Variants in ITGB2 observed in about 807,000 individuals in gnomAD.
The protein encoded by ITGB2 is integrin beta-2.
In ITGB2, 56 loss-of-function variants were observed where a neutral mutation model predicts 86.8. That is an observed-to-expected ratio of 0.65 (90% CI 0.52 to 0.81). The LOEUF (loss-of-function observed/expected upper bound fraction) is 0.81, where lower values mean the gene tolerates loss of function less well. ITGB2 is among the 30% of genes least tolerant of loss of function. The pLI, the probability that ITGB2 is intolerant of heterozygous loss-of-function variation, is 0.00. For missense variants in ITGB2, 948 were observed against 1,061.2 expected (o/e 0.89, Z 1.48); for synonymous variants, 457 against 450.4 (o/e 1.01, Z -0.19).
upstream of ITGB2, among the ~76,000 whole-genome samples, chr21:44,925,192 T>A (rs1320859988): frequency 1.3e-5 from 2 of 151,948 alleles, no homozygotes; most frequent in African/African-American, 2.4e-5. Context: ...AGCAGAAGGA[T>A]CTTTCAGGGG....
At chr21:44,889,848 C>T (rs891758278) in intron 12 of ITGB2, 130 bp downstream of exon 12, 5 of 1,367,900 alleles carry the variant, frequency 3.7e-6, no homozygotes, top group East Asian at 2.3e-5. Flanking sequence ...GGTGGCTGGG[C>T]GAGACTTGCA....
intron 14 of ITGB2, 26 bp from the exon 15 acceptor site, chr21:44,886,928 C>A: frequency 3.7e-6 from 6 of 1,609,756 alleles, no homozygotes; most frequent in Non-Finnish European, 5.1e-6. Context: ...CACACCTGAG[C>A]GTCAGTCCAG....
chr21:44,917,378 A>AATTTTC (rs1467316715), intron 1 of ITGB2, among the ~76,000 whole-genome samples: 1 of 152,226 alleles, frequency 6.6e-6, no homozygotes, highest in Non-Finnish European at 1.5e-5. Context: ...GAGTATTTTC[A>AATTTTC]ATTTTCATTA....
intron 3 of ITGB2, among the ~76,000 whole-genome samples, chr21:44,908,470 T>C (rs534861938): frequency 6.6e-6 from 1 of 152,310 alleles, no homozygotes; most frequent in East Asian, 1.9e-4. Flanking sequence ...CCAGACATTG[T>C]ATGAAAAAGC....
rs919059059 is a variant in ITGB2 at position 44,896,076 on chromosome 21, A to G, written c.994-1016T>C. Among the ~76,000 whole-genome samples the G allele has an allele frequency of 3.6e-4, 54 of 149,998 alleles. No homozygotes were observed. The South Asian group carries it at 3.6e-3, about 10-fold the overall frequency. On this transcript the variant is annotated intron_variant, in intron 8 of 15. Transcript: ENST00000652462. ...CTGCGGTGTGAGTGATCCCGCCTGC[A>G]GTGTGAGTGATCCTGCCTGCGGTGT...
chr21:44,891,036 G>A lies in ITGB2; in HGVS notation c.1412+773C>T, dbSNP rs2083778995. ...AGCAGGGACCTGAAGGTGAGGAAGG[G>A]CACTGCCACCAGGACGTGGATTGGC... On this transcript the variant is annotated intron_variant, in intron 11 of 15. Transcript: ENST00000652462. Among the ~76,000 whole-genome samples, 10 of 152,250 alleles carry A rather than the reference G, an allele frequency of 6.6e-5. No homozygotes were observed. In the South Asian group the frequency reaches 2.1e-3, roughly 32 times the overall value.
At chr21:44,891,071 A>G (rs2083779602) in intron 11 of ITGB2, among the ~76,000 whole-genome samples, 2 of 152,216 alleles carry the variant, frequency 1.3e-5, no homozygotes. Flanking sequence ...CACTGCGGTC[A>G]GGACAGGGGA....
chr21:44,915,267 G>A (rs755650164), intron 1 of ITGB2, among the ~76,000 whole-genome samples: 3 of 152,188 alleles, frequency 2.0e-5, no homozygotes, highest in Admixed American at 2.0e-4. Flanking sequence ...CTCATGATCC[G>A]CCCACCTCGG....
At chr21:44,890,708 C>T (rs570009853) in intron 11 of ITGB2, among the ~76,000 whole-genome samples, 4 of 152,280 alleles carry the variant, frequency 2.6e-5, no homozygotes, top group South Asian at 2.1e-4. Flanking sequence ...GGCATCAAGC[C>T]GCTGGCAGGC....
At position 44,888,878 on chromosome 21, in the gene ITGB2, A is replaced by C; in HGVS notation, c.1895T>G (p.Leu632Arg). The C allele has an allele frequency of 6.2e-7, 1 of 1,606,306 alleles. No homozygotes were observed. Among genetic ancestry groups the C allele is most frequent in the East Asian group, 2.2e-5 (1 of 44,846 alleles). Residue 632 changes from leucine to arginine, a missense_variant, in exon 14 of 16, where the codon CTG becomes CGG. Transcript: ENST00000652462. The stretch of plus-strand genomic sequence containing the variant: ...CCCAAAGGGGCCCTTTTCGAACTTC[A>C]GGCACTCGGCGCAGGAGCTGCGGGG... ...CGKYISCAECLKFEKGPFGKN... is the reference protein window; with the variant it reads ...CGKYISCAECRKFEKGPFGKN...
At position 44,907,023 on chromosome 21, in the gene ITGB2, C is replaced by T. The variant is rs771858373; in HGVS notation, c.220G>A (p.Ala74Thr). The part of the protein sequence containing the change: ...TRPQLLMRGC[A>T]ADDIMDPTSL... ...GTGGGGTCCATGATGTCGTCAGCCG[C>T]ACAGCCCCTCATGAGCAGCTGTGGC... Residue 74 changes from alanine to threonine, a missense_variant, in exon 4 of 16, where the codon GCG (alanine) becomes ACG (threonine). Transcript: ENST00000652462. 6.2e-7 allele frequency: 1 copy of T among 1,614,104 alleles called. No individual in the cohort carries two copies. Among genetic ancestry groups the T allele is most frequent in the Non-Finnish European group, 8.5e-7 (1 of 1,179,962 alleles).
intron 1 of ITGB2, among the ~76,000 whole-genome samples, chr21:44,913,350 C>A (rs973122238): frequency 1.9e-4 from 29 of 152,172 alleles, no homozygotes; most frequent in African/African-American, 6.5e-4. Context: ...AATGGGGAAA[C>A]TGAGGGCCCC....
Position 44,900,389 on chromosome 21 carries a change from GC to G in ITGB2, c.827del (p.Gly276AlafsTer4). ...GFHFAGDGKLGAILTPNDGRC... is the reference protein window; with the variant it reads ...GFHFAGDGKLXAILTPNDGRC... ...GGCCGTCGTTGGGGGTCAGGATGGC[GC>G]CCAGCTTCCCGTCGCCCGCGAAATG... On this transcript the variant is annotated frameshift_variant, in exon 7 of 16. Transcript: ENST00000652462. LOFTEE classifies it high-confidence loss of function. The G allele has an allele frequency of 6.2e-7, 1 of 1,614,144 alleles. No individual in the cohort carries two copies. Among genetic ancestry groups the G allele is most frequent in the Admixed American group, 1.7e-5 (1 of 60,028 alleles).
chr21:44,914,306 G>GAAGTGCTGGGGAATT, intron 1 of ITGB2: 1 of 152,636 alleles, frequency 6.6e-6, no homozygotes, highest in African/African-American at 2.4e-5. Flanking sequence ...GCCCGAGAAG[G>GAAGTGCTGGGGAATT]AAGTGCTGGT....
rs1324629783 is a variant in ITGB2, at chr21:44,905,068, T to C, written c.329-1533A>G. On this transcript the variant is annotated intron_variant, in intron 4 of 15. Transcript: ENST00000652462. ...CATGGAGGAGGCAGCCAAGACCATG[T>C]CCCCACGAGCAATGTGGCCATGCTG... Among the ~76,000 whole-genome samples, 3 of 152,296 alleles carry C rather than the reference T, an allele frequency of 2.0e-5. No homozygotes were observed. In the East Asian group the frequency reaches 5.8e-4, roughly 29 times the overall value.
At chr21:44,889,628 T>A in intron 12 of ITGB2, 133 bp from the exon 13 acceptor site, 1 of 924,390 alleles carries the variant, frequency 1.1e-6, no homozygotes, top group South Asian at 1.4e-5. Context: ...GCAAAAGGCA[T>A]GGGGCCACTA....
chr21:44,901,693 C>A lies in ITGB2; in HGVS notation c.540G>T (p.Val180=). 1 of 1,613,298 alleles carries A rather than the reference C, an allele frequency of 6.2e-7. No individual in the cohort carries two copies. The highest frequency in any genetic ancestry group is 8.5e-7 in the Non-Finnish European group (1 of 1,179,198). The change falls in exon 6 of 16, where the codon GTG becomes GTT. Residue 180 remains valine, a synonymous_variant. Coordinates refer to ENST00000652462, the MANE Select transcript of ITGB2 (RefSeq NM_000211.5). ...TTCGCAGCTTATCAGGGTGCGTGTTCACGAACGGCAGCACGGTCTTGTCCA... is the reference window on the plus strand; with the variant it reads ...TTCGCAGCTTATCAGGGTGCGTGTTAACGAACGGCAGCACGGTCTTGTCCA... ...SFVDKTVLPF[V]NTHPDKLRNP... is the part of the protein sequence containing the mutation.
intron 1 of ITGB2, among the ~76,000 whole-genome samples, chr21:44,912,154 G>GT (rs1173078446): frequency 3.3e-5 from 5 of 152,192 alleles, no homozygotes; most frequent in Middle Eastern, 3.2e-3. Flanking sequence ...CTGCTGGGGC[G>GT]TTCCTGCCCC....
intron 1 of ITGB2, chr21:44,928,035 G>T (rs1411326180): frequency 7.7e-6 from 1 of 130,578 alleles, no homozygotes; most frequent in Non-Finnish European, 1.6e-5. Flanking sequence ...CCAACCCCCC[G>T]ACGCAGCTTC....
Sources: allele counts gnomAD v4.1 joint callset (sites outside exome capture counted in the v4.1 genomes callset), GRCh38; gene constraint gnomAD v4.1.1; transcripts MANE v1.5; gene names NCBI Gene and HGNC (gene_info 2026-07-23, HGNC 2026-07-21).